The following PCDHA13 variants were observed in gnomAD, a reference collection of about 807,000 sequenced individuals.
PCDHA13 encodes the protein protocadherin alpha 13, also known as protocadherin alpha-13.
PCDHA13 carries 54 observed loss-of-function variants against 64.8 expected under a neutral mutation model. The ratio of observed to expected loss-of-function variants is 0.83; its 90% confidence interval spans 0.67 to 1.04. PCDHA13 has a LOEUF of 1.04. Ranked by LOEUF, PCDHA13 falls within the 50% of genes least tolerant of loss-of-function variation. The probability of loss-of-function intolerance (pLI) is 0.00; values close to 1 mark genes in which losing one functional copy is unlikely to be tolerated. For missense variants in PCDHA13, 1,248 were observed against 1,254.3 expected (o/e 0.99, Z 0.08); for synonymous variants, 587 against 564.4 (o/e 1.04, Z -0.57).
intron 1 of PCDHA13, among the ~76,000 whole-genome samples, chr5:140,912,129 A>C (rs2075781767): frequency 6.6e-6 from 1 of 152,156 alleles, no homozygotes; most frequent in Admixed American, 6.6e-5. Flanking sequence ...AGTCAGTCTA[A>C]TCTCTCCATG....
chr5:140,891,433 G>A (rs1256174929), intron 1 of PCDHA13, among the ~76,000 whole-genome samples: 1 of 145,874 alleles, frequency 6.9e-6, no homozygotes, highest in African/African-American at 2.6e-5. Flanking sequence ...AGTCCCCAAC[G>A]TCCATTGTAT....
rs147430561 is a variant in PCDHA13, at chr5:140,928,238, A to G, written c.2394+43576A>G. 4.7e-4 allele frequency: 756 copies of G among 1,614,188 alleles called. 4 individuals carry two copies. The African/African-American group carries it at 9.0e-3, about 19-fold the overall frequency. Reference sequence around the variant, plus strand: ...AATACACCAAACTTTCCTCAACCCCAGCAGGAACTTTTCGTTGCTGAAAAC... The same window carrying G: ...AATACACCAAACTTTCCTCAACCCCGGCAGGAACTTTTCGTTGCTGAAAAC... On this transcript the variant is annotated intron_variant, in intron 1 of 3. Coordinates refer to ENST00000289272, the MANE Select transcript of PCDHA13 (RefSeq NM_018904.3).
At chr5:140,960,079 A>G (rs1006555188) in intron 1 of PCDHA13, among the ~76,000 whole-genome samples, 1 of 152,228 alleles carries the variant, frequency 6.6e-6, no homozygotes, top group African/African-American at 2.4e-5. Flanking sequence ...TGAAGTTTCT[A>G]AAAGAGAAAG....
At chr5:140,985,391 C>T (rs2097149590) in intron 3 of PCDHA13, among the ~76,000 whole-genome samples, 1 of 152,136 alleles carries the variant, frequency 6.6e-6, no homozygotes, top group Non-Finnish European at 1.5e-5. Context: ...TCCAGTCACC[C>T]CAACTGTTCC....
intron 1 of PCDHA13, among the ~76,000 whole-genome samples, chr5:140,917,131 G>C (rs572644426): frequency 6.6e-6 from 1 of 152,072 alleles, no homozygotes; most frequent in Non-Finnish European, 1.5e-5. Flanking sequence ...GACTCCCCAC[G>C]TTGCTCAGCT....
chr5:140,972,660 A>AT (rs11350929), intron 1 of PCDHA13, among the ~76,000 whole-genome samples: 2,691 of 117,234 alleles, frequency 0.023, 50 homozygotes, highest in South Asian at 0.067. Context: ...AAGAAACCAA[A>AT]TTTTTTTTTT....
At chr5:140,948,106 T>A (rs1383733772) in intron 1 of PCDHA13, among the ~76,000 whole-genome samples, 1 of 151,652 alleles carries the variant, frequency 6.6e-6, no homozygotes, top group Non-Finnish European at 1.5e-5. Context: ...TGATTTTTCT[T>A]CGTTTTACTA....
chr5:140,952,041 T>C (rs1202542852), intron 1 of PCDHA13, among the ~76,000 whole-genome samples: 1 of 152,108 alleles, frequency 6.6e-6, no homozygotes, highest in African/African-American at 2.4e-5. Flanking sequence ...AGTAGGGCAG[T>C]TATTAAATCT....
chr5:141,009,720 C>G lies in PCDHA13; in HGVS notation c.2636C>G (p.Ser879Cys), dbSNP rs782119637. ...FKYGPGNPKQ[S>C]GPGELPDKFI... ...TACGGACCAGGCAACCCCAAACAAT[C>G]CGGTCCCGGTGAGTTGCCCGACAAA... The change falls in exon 4 of 4, where the codon TCC (serine) becomes TGC (cysteine). Residue 879 changes from serine to cysteine, a missense_variant. Transcript: ENST00000289272. 1 of 1,614,180 alleles carries G rather than the reference C, an allele frequency of 6.2e-7. No individual in the cohort carries two copies. The highest frequency in any genetic ancestry group is 2.2e-5 in the East Asian group (1 of 44,872).
intron 1 of PCDHA13, chr5:140,967,136 C>T (rs782698899): frequency 6.8e-6 from 11 of 1,611,568 alleles, no homozygotes; most frequent in Non-Finnish European, 9.3e-6. Context: ...CTTGGAAGTG[C>T]TGGCGCACAA....
At chr5:140,908,234 C>T (rs1262299431) in intron 1 of PCDHA13, among the ~76,000 whole-genome samples, 5 of 152,184 alleles carry the variant, frequency 3.3e-5, no homozygotes, top group Non-Finnish European at 7.3e-5. Context: ...CCTTAGTCTT[C>T]TCTTCCTCAT....
At chr5:141,009,166 T>C (rs949376056) in intron 3 of PCDHA13, among the ~76,000 whole-genome samples, 98 of 152,230 alleles carry the variant, frequency 6.4e-4, no homozygotes, top group African/African-American at 2.2e-3. Context: ...CTGTAAATAC[T>C]GGCCTTGGCT....
Position 140,884,230 on chromosome 5 carries a change from C to T in PCDHA13, c.1962C>T (p.His654=). The T allele has an allele frequency of 5.0e-6, 8 of 1,613,384 alleles. No individual in the cohort carries two copies. Among genetic ancestry groups the T allele is most frequent in the Non-Finnish European group, 6.8e-6 (8 of 1,179,716 alleles). ...GCCTTCTGGTGCTGGTGAAGGACCA[C>T]GGTGAGCCCGCGCTGACGGCCACGG... The part of the protein sequence containing the change: ...HHRLLVLVKD[H]GEPALTATAT... Residue 654 remains histidine (H), a synonymous_variant, in exon 1 of 4, where the codon CAC becomes CAT. Coordinates refer to ENST00000289272, the MANE Select transcript of PCDHA13 (RefSeq NM_018904.3).
chr5:140,979,306 C>T (rs1554240481), intron 2 of PCDHA13, among the ~76,000 whole-genome samples: 1 of 152,206 alleles, frequency 6.6e-6, no homozygotes, highest in African/African-American at 2.4e-5. Context: ...CTTCATCCCT[C>T]TCTACCTATG....
chr5:140,960,713 ATCTTATTTTAGT>A (rs2095563566), intron 1 of PCDHA13, among the ~76,000 whole-genome samples: 3 of 150,862 alleles, frequency 2.0e-5, no homozygotes, highest in Non-Finnish European at 4.4e-5. Flanking sequence ...CCAAATACTC[ATCTTATTTTAGT>A]CCATGATTTT....
chr5:140,995,511 A>G (rs561169284), intron 3 of PCDHA13, among the ~76,000 whole-genome samples: 1 of 152,342 alleles, frequency 6.6e-6, no homozygotes, highest in Admixed American at 6.5e-5. Flanking sequence ...TGGGTAACTG[A>G]AGCCTCAGAA....
chr5:140,997,559 T>A (rs550494855), intron 3 of PCDHA13, among the ~76,000 whole-genome samples: 2 of 152,148 alleles, frequency 1.3e-5, no homozygotes, highest in South Asian at 4.1e-4. Flanking sequence ...ACAGGACAAC[T>A]GTCATATGTG....
chr5:140,983,100 T>C (rs2097027056), intron 3 of PCDHA13, among the ~76,000 whole-genome samples: 1 of 152,232 alleles, frequency 6.6e-6, no homozygotes, highest in African/African-American at 2.4e-5. Flanking sequence ...AATCTGCTTC[T>C]CTCTGCACAT....
At chr5:140,946,506 A>G (rs1231345135) in intron 1 of PCDHA13, among the ~76,000 whole-genome samples, 1 of 151,616 alleles carries the variant, frequency 6.6e-6, no homozygotes, top group Non-Finnish European at 1.5e-5. Context: ...CAGTATGTCA[A>G]AGACCTATCC....
Sources: allele counts gnomAD v4.1 joint callset (sites outside exome capture counted in the v4.1 genomes callset), GRCh38; gene constraint gnomAD v4.1.1; transcripts MANE v1.5; gene names NCBI Gene and HGNC (gene_info 2026-07-23, HGNC 2026-07-21).